CA10: variants seen among roughly 807,000 people sequenced by gnomAD.
The protein encoded by CA10 is carbonic anhydrase 10 (inactive).
A neutral mutation model predicts 44.2 loss-of-function variants in CA10; 14 were observed. That is an observed-to-expected ratio of 0.32 (90% CI 0.21 to 0.50). The LOEUF is 0.50. CA10 is among the 20% of genes least tolerant of loss of function. The probability of loss-of-function intolerance (pLI) is 0.99; values close to 1 mark genes in which losing one functional copy is unlikely to be tolerated. For missense variants in CA10, 350 were observed against 409.7 expected (o/e 0.85, Z 1.26); for synonymous variants, 159 against 141.6 (o/e 1.12, Z -0.87).
intron 1 of CA10, among the ~76,000 whole-genome samples, chr17:52,145,222 G>A (rs1035511813): frequency 5.3e-5 from 8 of 152,084 alleles, no homozygotes; most frequent in African/African-American, 1.4e-4. Context: ...ACTCACAGTC[G>A]TGAAAGATCT....
In CA10 at chr17:51,631,286, T is replaced by A; in HGVS notation, c.*298A>T. ...TAAGACCTCTTATGAATGAGACTTT[T>A]GTTTCTGAAACTTGACTTCCCATGA... On this transcript the variant is annotated 3_prime_UTR_variant, in exon 9 of 9. Coordinates refer to ENST00000451037, the MANE Select transcript of CA10 (RefSeq NM_020178.5). The A allele has an allele frequency of 2.8e-6, 1 of 362,212 alleles. No individual in the cohort carries two copies. The highest frequency in any genetic ancestry group is 5.0e-6 in the Non-Finnish European group (1 of 199,306). The allele number at this position is 362,212 out of a possible 1,614,324, so 22.4% of individuals were successfully genotyped here. A position where few individuals can be genotyped will look rare whatever the true frequency, so the allele number is the denominator to read the frequency against.
chr17:51,755,412 T>C (rs193174061), intron 3 of CA10, among the ~76,000 whole-genome samples: 3 of 152,344 alleles, frequency 2.0e-5, no homozygotes, highest in African/African-American at 7.2e-5. Flanking sequence ...GAGGAAATCT[T>C]ACCTTCAGAA....
At chr17:51,740,977 T>C (rs564053237) in intron 4 of CA10, among the ~76,000 whole-genome samples, 2 of 152,336 alleles carry the variant, frequency 1.3e-5, no homozygotes, top group South Asian at 4.1e-4. Flanking sequence ...AATTTACTCA[T>C]TTATTATGTT....
At chr17:51,632,600 A>G (rs141961085) in intron 8 of CA10, among the ~76,000 whole-genome samples, 105 of 152,244 alleles carry the variant, frequency 6.9e-4, no homozygotes, top group African/African-American at 2.3e-3. Flanking sequence ...CCTTTAACAA[A>G]CTGTGAAGTA....
chr17:52,032,217 C>T (rs142871776), intron 2 of CA10, among the ~76,000 whole-genome samples: 6 of 152,032 alleles, frequency 3.9e-5, no homozygotes, highest in African/African-American at 1.4e-4. Context: ...GTGGGATGAA[C>T]CATAATACCT....
At chr17:52,031,428 G>T (rs946343854) in intron 2 of CA10, among the ~76,000 whole-genome samples, 1 of 152,122 alleles carries the variant, frequency 6.6e-6, no homozygotes, top group Middle Eastern at 3.2e-3. Flanking sequence ...GGGATTACAG[G>T]TGTGAGCCAC....
At chr17:51,919,880 C>T (rs1297521489) in intron 3 of CA10, among the ~76,000 whole-genome samples, 1 of 152,104 alleles carries the variant, frequency 6.6e-6, no homozygotes, top group Non-Finnish European at 1.5e-5. Flanking sequence ...TCTTGAACTC[C>T]TGACCCCATG....
chr17:51,744,064 A>C (rs1184062279), intron 4 of CA10, among the ~76,000 whole-genome samples: 1 of 152,208 alleles, frequency 6.6e-6, no homozygotes, highest in Non-Finnish European at 1.5e-5. Flanking sequence ...TCACGCCTGT[A>C]ATCTCAGCAC....
intron 2 of CA10, among the ~76,000 whole-genome samples, chr17:52,069,831 ATTATTTCTAGACAC>A (rs532041776): frequency 2.6e-5 from 4 of 152,178 alleles, no homozygotes; most frequent in Non-Finnish European, 5.9e-5. Flanking sequence ...CCAACTGACT[ATTATTTCTAGACAC>A]TTCAGTGAGG....
intron 1 of CA10, among the ~76,000 whole-genome samples, chr17:52,149,354 T>G (rs1395217450): frequency 6.6e-6 from 1 of 152,254 alleles, no homozygotes; most frequent in Non-Finnish European, 1.5e-5. Flanking sequence ...GGCATTTGTA[T>G]GCTGTGTCCT....
chr17:51,878,160 A>AG lies in CA10; in HGVS notation c.279+52829_279+52830insC, dbSNP rs1194164511. 2.7e-3 allele frequency among the ~76,000 whole-genome samples: 405 copies of AG among 151,002 alleles called. 3 individuals carry two copies. Among genetic ancestry groups the AG allele is most frequent in the African/African-American group, 9.6e-3 (396 of 41,112 alleles). ...CTCCGTCTCAAAAAAAAAAAAAAAA[A>AG]AAAAAAAGAAAAAGGAAAAAAGAAA... On this transcript the variant is annotated intron_variant, in intron 3 of 8. Transcript: ENST00000451037.
chr17:51,769,249 C>T (rs1007902581), intron 3 of CA10, among the ~76,000 whole-genome samples: 20 of 152,120 alleles, frequency 1.3e-4, no homozygotes, highest in Middle Eastern at 3.2e-3. Flanking sequence ...GAGTTTTTGC[C>T]ACTACTGGGC....
At chr17:51,742,399 T>G (rs1904502249) in intron 4 of CA10, among the ~76,000 whole-genome samples, 1 of 152,204 alleles carries the variant, frequency 6.6e-6, no homozygotes. Flanking sequence ...CACAAGCCAT[T>G]CATTGCCTAA....
intron 3 of CA10, among the ~76,000 whole-genome samples, chr17:51,849,206 T>TGTGTATATATAC (rs1491466243): frequency 2.6e-5 from 1 of 37,856 alleles, no homozygotes; most frequent in African/African-American, 2.0e-4. Flanking sequence ...TACATATATG[T>TGTGTATATATAC]ATATATATAT....
intron 3 of CA10, among the ~76,000 whole-genome samples, chr17:51,892,619 G>T (rs1490080463): frequency 6.6e-6 from 1 of 152,140 alleles, no homozygotes; most frequent in Non-Finnish European, 1.5e-5. Context: ...GGGTTAGTTG[G>T]CCCAGCCTCC....
At chr17:52,090,440 G>T (rs1237484261) in intron 1 of CA10, among the ~76,000 whole-genome samples, 1 of 152,092 alleles carries the variant, frequency 6.6e-6, no homozygotes, top group African/African-American at 2.4e-5. Context: ...CATTGATGAT[G>T]CTGAAATATT....
At chr17:52,069,503 A>T (rs1987623929) in intron 2 of CA10, among the ~76,000 whole-genome samples, 3 of 152,232 alleles carry the variant, frequency 2.0e-5, no homozygotes, top group Admixed American at 2.0e-4. Context: ...TTAGGCAGGC[A>T]GAATCCCAAT....
intron 1 of CA10, among the ~76,000 whole-genome samples, chr17:52,150,971 G>A (rs1989691084): frequency 6.6e-6 from 1 of 151,926 alleles, no homozygotes; most frequent in Non-Finnish European, 1.5e-5. Flanking sequence ...GTCCCATAAT[G>A]GGCAAATTGA....
intron 1 of CA10, among the ~76,000 whole-genome samples, chr17:52,149,515 T>A (rs1344515036): frequency 6.6e-6 from 1 of 152,200 alleles, no homozygotes; most frequent in African/African-American, 2.4e-5. Flanking sequence ...AGATCATTTG[T>A]CACCACCCAA....
Sources: allele counts gnomAD v4.1 joint callset (sites outside exome capture counted in the v4.1 genomes callset), GRCh38; gene constraint gnomAD v4.1.1; transcripts MANE v1.5; gene names NCBI Gene and HGNC (gene_info 2026-07-23, HGNC 2026-07-21).